Variants in ZXDC observed in about 807,000 individuals in gnomAD.
The protein encoded by ZXDC is ZXD family zinc finger C, also known as zinc finger protein ZXDC.
Under a neutral mutation model 63.6 loss-of-function variants are expected in ZXDC, and 58 were observed. The observed-to-expected ratio is 0.91, with a 90% CI of 0.74 to 1.13. The LOEUF (loss-of-function observed/expected upper bound fraction) is 1.13, where lower values mean the gene tolerates loss of function less well. Among genes scored for constraint, ZXDC ranks in the 50% most tolerant of loss-of-function variants. The probability of loss-of-function intolerance (pLI) is 0.00; values close to 1 mark genes in which losing one functional copy is unlikely to be tolerated. For synonymous variants in ZXDC, 561 were observed against 496.1 expected, an observed-to-expected ratio of 1.13 and a Z score of -1.74; for missense variants, 1,133 against 1,148.9, an observed-to-expected ratio of 0.99 and a Z score of 0.20.
At chr3:126,465,776 C>T (rs1353611629) in intron 5 of ZXDC, among the ~76,000 whole-genome samples, 2 of 152,124 alleles carry the variant, frequency 1.3e-5, no homozygotes, top group Admixed American at 6.6e-5. Context: ...CATAGTGAAA[C>T]CCTGTCTCTA....
intron 7 of ZXDC, chr3:126,459,196 C>G (rs1342618732): frequency 5.1e-6 from 5 of 985,018 alleles, no homozygotes; most frequent in Non-Finnish European, 6.0e-6. Context: ...CTAACATTTT[C>G]AAATAAGATT....
Position 126,472,051 on chromosome 3 carries a change from C to T in ZXDC, c.1061G>A (p.Gly354Asp). ...AGAGTCACAAATAAATGGTCTTTCA[C>T]CTTATAAAAGAAAAAATTATACAGC... ...RLKIHLRSHTGERPFICDSDS... is the reference protein window; with the variant it reads ...RLKIHLRSHTDERPFICDSDS... Residue 354 changes from glycine to aspartate, a missense_variant and splice_region_variant, in exon 3 of 10, where the codon GGT (glycine) becomes GAT (aspartate). Physicochemically the swap from Gly to Asp is moderately conservative, Grantham distance 94. Coordinates refer to ENST00000389709, the MANE Select transcript of ZXDC (RefSeq NM_025112.5). 6.2e-7 allele frequency: 1 copy of T among 1,611,504 alleles called. No individual in the cohort carries two copies. The highest frequency in any genetic ancestry group is 8.5e-7 in the Non-Finnish European group (1 of 1,179,298).
chr3:126,463,610 G>A (rs1204889823), intron 5 of ZXDC, among the ~76,000 whole-genome samples: 1 of 152,158 alleles, frequency 6.6e-6, no homozygotes, highest in African/African-American at 2.4e-5. Flanking sequence ...TAAAATGGGA[G>A]CATAATTAAT....
rs1472748493 is a variant in ZXDC, at chr3:126,461,095, T to C, written c.2127+440A>G. 3 of 985,852 alleles carry C rather than the reference T, an allele frequency of 3.0e-6. No homozygotes were observed. In the African/African-American group the frequency reaches 5.2e-5, roughly 17 times the overall value. 61.1% of individuals were successfully genotyped at this position (985,852 alleles called of 1,614,324 possible). A position where few individuals can be genotyped will look rare whatever the true frequency, so the allele number is the denominator to read the frequency against. Reference sequence around the variant, plus strand: ...ATAAACCCCACCCTTTTTTTTTTTCTTGTTAATTCTAATTTTAAAAAAGAG... The same window carrying C: ...ATAAACCCCACCCTTTTTTTTTTTCCTGTTAATTCTAATTTTAAAAAAGAG... On this transcript the variant is annotated intron_variant, in intron 6 of 9. Coordinates refer to ENST00000389709, the MANE Select transcript of ZXDC (RefSeq NM_025112.5).
At chr3:126,470,065 C>G (rs1238302883) in intron 4 of ZXDC, among the ~76,000 whole-genome samples, 1 of 152,200 alleles carries the variant, frequency 6.6e-6, no homozygotes, top group Non-Finnish European at 1.5e-5. Flanking sequence ...ACCTGCAGAA[C>G]TAGAGTAGGG....
At chr3:126,457,662 G>A (rs1576675777) in intron 7 of ZXDC, 1 of 985,388 alleles carries the variant, frequency 1.0e-6, no homozygotes, top group Non-Finnish European at 1.2e-6. Context: ...CTGCACCTCA[G>A]GGTAAAAAAA....
intron 5 of ZXDC, among the ~76,000 whole-genome samples, chr3:126,463,343 A>G (rs113904085): frequency 0.01 from 1,545 of 152,294 alleles, 28 homozygotes; most frequent in African/African-American, 0.035. Flanking sequence ...TGCTGGGATT[A>G]CAGGTATGAG....
chr3:126,443,083 T>G (rs1486139327), intron 7 of ZXDC: 1 of 152,260 alleles, frequency 6.6e-6, no homozygotes, highest in Non-Finnish European at 1.5e-5. Context: ...TTGGGTCCTC[T>G]GTACTTAGGC....
intron 1 of ZXDC, among the ~76,000 whole-genome samples, chr3:126,474,654 G>C (rs1284752591): frequency 6.6e-6 from 1 of 152,100 alleles, no homozygotes; most frequent in Non-Finnish European, 1.5e-5. Flanking sequence ...CTGACACATA[G>C]CTCCGTGCCA....
intron 7 of ZXDC, chr3:126,457,407 G>A (rs749728328): frequency 2.2e-5 from 22 of 985,352 alleles, no homozygotes; most frequent in African/African-American, 3.5e-5. Flanking sequence ...TTGGAAAAGA[G>A]ACGGTGGCCT....
intron 5 of ZXDC, among the ~76,000 whole-genome samples, chr3:126,463,872 G>A (rs1228258248): frequency 2.6e-5 from 4 of 152,010 alleles, no homozygotes; most frequent in African/African-American, 7.3e-5. Flanking sequence ...TAGACAAAAA[G>A]AAAATCAAAT....
intron 7 of ZXDC, among the ~76,000 whole-genome samples, chr3:126,443,719 TTCAAG>T (rs1933770187): frequency 1.3e-5 from 2 of 152,246 alleles, no homozygotes; most frequent in Admixed American, 6.5e-5. Context: ...TTTCTATGCT[TTCAAG>T]TCTTTTATCA....
In ZXDC at chr3:126,437,731, C is replaced by T. The variant is rs1415166872; in HGVS notation, c.*644G>A. ...TTTAAATTTTAACTCTACCATCCCC[C>T]CGAGCTCTCGGCTATGAATTTAGTC... is the stretch of plus-strand genomic sequence containing the variant. On this transcript the variant is annotated 3_prime_UTR_variant, in exon 10 of 10. Transcript: ENST00000389709. The T allele has an allele frequency of 1.3e-5, 2 of 152,264 alleles. No individual in the cohort carries two copies. Among genetic ancestry groups the T allele is most frequent in the Non-Finnish European group, 2.9e-5 (2 of 68,124 alleles). The allele number at this position is 152,264 out of a possible 1,614,324, so 9.4% of individuals were successfully genotyped here.
At chr3:126,447,218 T>C (rs1260830965) in intron 7 of ZXDC, among the ~76,000 whole-genome samples, 2 of 152,228 alleles carry the variant, frequency 1.3e-5, no homozygotes, top group Non-Finnish European at 2.9e-5. Flanking sequence ...CTGAATAAAG[T>C]ATGTAAGTGA....
chr3:126,448,875 G>C (rs920568488), intron 7 of ZXDC, among the ~76,000 whole-genome samples: 12 of 152,274 alleles, frequency 7.9e-5, no homozygotes, highest in Non-Finnish European at 1.6e-4. Context: ...TGGAAGCGCT[G>C]AGAGGAGCCT....
chr3:126,442,011 A>G, intron 7 of ZXDC, 65 bp from the exon 8 acceptor site: 1 of 1,471,120 alleles, frequency 6.8e-7, no homozygotes, highest in South Asian at 1.5e-5. Flanking sequence ...TGCCCTTACC[A>G]AGGTCTCACT....
At chr3:126,460,080 G>C (rs985736494) in intron 6 of ZXDC, 2 of 985,220 alleles carry the variant, frequency 2.0e-6, no homozygotes, top group Admixed American at 1.2e-4. Flanking sequence ...GGTAACCCAG[G>C]GTCACCTTAC....
intron 5 of ZXDC, among the ~76,000 whole-genome samples, chr3:126,463,081 T>A (rs990879240): frequency 3.9e-5 from 6 of 152,136 alleles, no homozygotes; most frequent in Admixed American, 1.3e-4. Flanking sequence ...TATTATTATT[T>A]TTTTTGAGAG....
chr3:126,455,177 C>A, intron 7 of ZXDC: 2 of 710,134 alleles, frequency 2.8e-6, no homozygotes, highest in South Asian at 6.3e-5. Context: ...AACTTAATGC[C>A]AAAAGTAATT....
Sources: allele counts gnomAD v4.1 joint callset (sites outside exome capture counted in the v4.1 genomes callset), GRCh38; gene constraint gnomAD v4.1.1; transcripts MANE v1.5; gene names NCBI Gene and HGNC (gene_info 2026-07-23, HGNC 2026-07-21).